Variants in VTI1A observed in about 807,000 individuals in gnomAD.
VTI1A encodes vesicle transport through interaction with t-SNAREs homolog 1A.
Under a neutral mutation model 34.9 loss-of-function variants are expected in VTI1A, and 22 were observed. The observed-to-expected ratio is 0.63, with a 90% CI of 0.45 to 0.90. The LOEUF is 0.90. VTI1A is among the 40% of genes least tolerant of loss of function. The pLI is 0.00. For missense variants in VTI1A, 268 were observed against 275.6 expected (o/e 0.97, Z 0.20); for synonymous variants, 87 against 97.3 (o/e 0.89, Z 0.62).
At chr10:112,451,816 TGTG>T (rs1847251108) in intron 1 of VTI1A, among the ~76,000 whole-genome samples, 1 of 152,220 alleles carries the variant, frequency 6.6e-6, no homozygotes, top group Admixed American at 6.5e-5. Flanking sequence ...TCATGAATAT[TGTG>T]GTTTGCTTAA....
chr10:112,464,432 C>A, intron 2 of VTI1A, 115 bp from the exon 3 acceptor site: 3 of 852,768 alleles, frequency 3.5e-6, no homozygotes, highest in South Asian at 3.4e-5. Context: ...GCACCCTGAA[C>A]CTGGTGCCTC....
Position 112,721,140 on chromosome 10 carries a change from G to A in VTI1A, c.560+52142G>A, listed in dbSNP as rs79272430. Among the ~76,000 whole-genome samples, 1,074 of 152,302 alleles carry A rather than the reference G, an allele frequency of 7.1e-3. 17 individuals carry two copies. Among genetic ancestry groups the A allele is most frequent in the African/African-American group, 0.024 (1,011 of 41,560 alleles). ...TTTTTCAATGGCACCTACATAGTGA[G>A]TGGCAGATTTTCTGATTCCAAATCT... is the stretch of plus-strand genomic sequence containing the variant. On this transcript the variant is annotated intron_variant, in intron 7 of 7. Transcript: ENST00000393077.
At chr10:112,538,119 T>G (rs1850715814) in intron 4 of VTI1A, 127 bp from the exon 5 acceptor site, 1 of 699,638 alleles carries the variant, frequency 1.4e-6, no homozygotes, top group Non-Finnish European at 2.4e-6. Flanking sequence ...TGCTAAAAAT[T>G]AACTGTAATG....
At chr10:112,645,339 G>C (rs1211967297) in intron 5 of VTI1A, among the ~76,000 whole-genome samples, 8 of 152,132 alleles carry the variant, frequency 5.3e-5, no homozygotes, top group Admixed American at 3.9e-4. Flanking sequence ...GGGTGTAAAT[G>C]GGTATATATT....
At chr10:112,546,059 C>T (rs1365419474) in intron 5 of VTI1A, among the ~76,000 whole-genome samples, 2 of 146,774 alleles carry the variant, frequency 1.4e-5, no homozygotes, top group East Asian at 2.0e-4. Flanking sequence ...CGTGTATACG[C>T]GTATGTGTGT....
At chr10:112,813,821 A>G (rs1234077846) in intron 7 of VTI1A, among the ~76,000 whole-genome samples, 1 of 152,174 alleles carries the variant, frequency 6.6e-6, no homozygotes, top group East Asian at 1.9e-4. Context: ...GATCTTAGCC[A>G]AGCCTTGAGT....
At chr10:112,662,195 A>C (rs971747034) in intron 5 of VTI1A, among the ~76,000 whole-genome samples, 7 of 152,224 alleles carry the variant, frequency 4.6e-5, no homozygotes, top group Middle Eastern at 3.2e-3. Context: ...GCTTTTTACA[A>C]AAATACAGAT....
the VTI1A span, among the ~76,000 whole-genome samples, chr10:112,833,010 G>A: frequency 7.9e-5 from 12 of 152,178 alleles, no homozygotes; most frequent in East Asian, 1.9e-3. Flanking sequence ...CAAATTAATC[G>A]ATAGCAGAGT....
chr10:112,777,161 A>T (rs2134031150), intron 7 of VTI1A, among the ~76,000 whole-genome samples: 1 of 152,308 alleles, frequency 6.6e-6, no homozygotes, highest in South Asian at 2.1e-4. Flanking sequence ...GTCCGTGTCA[A>T]TTCCTGTCAC....
chr10:112,850,827 A>G, the VTI1A span, among the ~76,000 whole-genome samples: 8 of 152,160 alleles, frequency 5.3e-5, no homozygotes, highest in Non-Finnish European at 1.2e-4. Context: ...GGCCCTGTGC[A>G]ACTGTGCAGG....
At chr10:112,718,103 T>A (rs1419049364) in intron 7 of VTI1A, among the ~76,000 whole-genome samples, 1 of 152,196 alleles carries the variant, frequency 6.6e-6, no homozygotes, top group African/African-American at 2.4e-5. Flanking sequence ...TTTATAAGGA[T>A]GTATCCTGTT....
At chr10:112,738,491 C>G (rs1408437711) in intron 7 of VTI1A, among the ~76,000 whole-genome samples, 1 of 152,136 alleles carries the variant, frequency 6.6e-6, no homozygotes, top group Non-Finnish European at 1.5e-5. Context: ...CAGCACAGTT[C>G]TTGGTCCTCA....
chr10:112,577,781 A>T (rs1485674064), intron 5 of VTI1A, among the ~76,000 whole-genome samples: 1 of 152,246 alleles, frequency 6.6e-6, no homozygotes, highest in African/African-American at 2.4e-5. Context: ...TTTTAAAATT[A>T]GACATAGAAT....
At chr10:112,718,034 GTTGTCTGAA>G (rs1849671613) in intron 7 of VTI1A, among the ~76,000 whole-genome samples, 1 of 152,120 alleles carries the variant, frequency 6.6e-6, no homozygotes, top group African/African-American at 2.4e-5. Context: ...CAAAACTCCT[GTTGTCTGAA>G]TGAGAGTCAG....
intron 7 of VTI1A, among the ~76,000 whole-genome samples, chr10:112,790,480 C>G (rs1277020706): frequency 6.6e-6 from 1 of 152,186 alleles, no homozygotes; most frequent in Non-Finnish European, 1.5e-5. Context: ...CCCGCCCCAA[C>G]TAGGACTGTA....
rs550354604 is a variant in VTI1A, at chr10:112,464,697, T to A, written c.264+40T>A. The A allele has an allele frequency of 1.0e-3, 1,606 of 1,558,878 alleles. 14 individuals carry two copies. Among genetic ancestry groups the A allele is most frequent in the South Asian group, 8.1e-3 (697 of 86,064 alleles). ...ACCCTTTGTCATATTTACTTTTTTT[T>A]AAAAATGTTTCCTCCTCATGCCTCA... On this transcript the variant is annotated intron_variant, in intron 3 of 7. Coordinates refer to ENST00000393077, the MANE Select transcript of VTI1A (RefSeq NM_145206.4).
rs532087961 is a variant in VTI1A, at chr10:112,725,413, CTG to C, written c.560+56417_560+56418del. Among the ~76,000 whole-genome samples the C allele has an allele frequency of 5.3e-3, 803 of 152,298 alleles. 6 individuals carry two copies. Among genetic ancestry groups the C allele is most frequent in the Non-Finnish European group, 5.7e-3 (391 of 68,014 alleles). ...ATGACTTAATGAGATGCAAATTCAA[CTG>C]TATCACATCAGGAGGCACATAACAT... On this transcript the variant is annotated intron_variant, in intron 7 of 7. Coordinates refer to ENST00000393077, the MANE Select transcript of VTI1A (RefSeq NM_145206.4).
chr10:112,584,670 T>C (rs182627716), intron 5 of VTI1A, among the ~76,000 whole-genome samples: 9 of 152,364 alleles, frequency 5.9e-5, no homozygotes, highest in Admixed American at 5.9e-4. Flanking sequence ...CTGCGTCTTA[T>C]GGACCAGCTA....
At chr10:112,553,493 C>G (rs1851438278) in intron 5 of VTI1A, among the ~76,000 whole-genome samples, 1 of 152,216 alleles carries the variant, frequency 6.6e-6, no homozygotes. Flanking sequence ...GCTGCTGTAA[C>G]AAATAAACCC....
Sources: allele counts gnomAD v4.1 joint callset (sites outside exome capture counted in the v4.1 genomes callset), GRCh38; gene constraint gnomAD v4.1.1; transcripts MANE v1.5; gene names NCBI Gene and HGNC (gene_info 2026-07-23, HGNC 2026-07-21).